The following TRIM28 variants were observed in gnomAD, a reference collection of about 807,000 sequenced individuals.
TRIM28 encodes transcription intermediary factor 1-beta.
A neutral mutation model predicts 87.4 loss-of-function variants in TRIM28; 8 were observed. The ratio of observed to expected loss-of-function variants is 0.09; its 90% CI spans 0.05 to 0.17. The LOEUF (loss-of-function observed/expected upper bound fraction) is 0.17. TRIM28 is among the 10% of genes least tolerant of loss of function. TRIM28 has a pLI of 1.00. For missense variants in TRIM28, 968 were observed against 1,131.8 expected (o/e 0.86, Z 2.08); for synonymous variants, 601 against 454.3 (o/e 1.32, Z -4.11).
Position 58,544,564 on chromosome 19 carries a change from G to T in TRIM28, c.-194G>T. Reference sequence around the variant, plus strand: ...AGCGCGGGCGGCGCCTTCGGGAGGCGAGCAGGCAGCAGTTGGCCGTGCCGT... The same window carrying T: ...AGCGCGGGCGGCGCCTTCGGGAGGCTAGCAGGCAGCAGTTGGCCGTGCCGT... On this transcript the variant is annotated 5_prime_UTR_variant, in exon 1 of 17. Transcript: ENST00000253024. The T allele has an allele frequency of 6.4e-6, 1 of 156,658 alleles. No homozygotes were observed. Among genetic ancestry groups the T allele is most frequent in the South Asian group, 1.8e-4 (1 of 5,654 alleles). 9.7% of individuals were successfully genotyped at this position (156,658 alleles called of 1,614,324 possible).
Position 58,550,223 on chromosome 19 carries a change from C to G in TRIM28, c.2270C>G (p.Ser757Cys), listed in dbSNP as rs1263130771. ...LQEKLSPPYSSPQEFAQDVGR... is the reference protein window; with the variant it reads ...LQEKLSPPYSCPQEFAQDVGR... ...GAGAAGTTGTCACCTCCCTACAGCT[C>G]CCCACAGGAGTTTGCCCAGGATGTG... The change falls in exon 16 of 17, where the codon TCC becomes TGC. Residue 757 changes from serine to cysteine, a missense_variant. Physicochemically the swap from Ser to Cys is moderately radical, Grantham distance 112 (BLOSUM62 -1). Coordinates refer to ENST00000253024, the MANE Select transcript of TRIM28 (RefSeq NM_005762.3). 2 of 1,613,980 alleles carry G rather than the reference C, an allele frequency of 1.2e-6. No individual in the cohort carries two copies. Among genetic ancestry groups the G allele is most frequent in the East Asian group, 4.5e-5 (2 of 44,896 alleles).
rs753462610 is a variant in TRIM28, at chr19:58,547,366, C to T, written c.587-10C>T. 6 of 1,611,950 alleles carry T rather than the reference C, an allele frequency of 3.7e-6. No homozygotes were observed. The highest frequency in any genetic ancestry group is 2.2e-5 in the East Asian group (1 of 44,810). On this transcript the variant is annotated splice_polypyrimidine_tract_variant and intron_variant, in intron 3 of 16. Coordinates refer to ENST00000253024, the MANE Select transcript of TRIM28 (RefSeq NM_005762.3). ...GGGCAAGGTCCAGCCTTATGATTCC[C>T]ACTCCCCAGGGCCAGCCAAGTCTCG...
chr19:58,548,779 G>A lies in TRIM28; in HGVS notation c.1360+3G>A. 2 of 1,614,130 alleles carry A rather than the reference G, an allele frequency of 1.2e-6. No individual in the cohort carries two copies. Among genetic ancestry groups the A allele is most frequent in the Non-Finnish European group, 1.7e-6 (2 of 1,180,012 alleles). ...GGAAGGCTATGGCTTTGGGTCAGGT[G>A]AGTGGGTCTGCCTAGTGGGTGGGGA... is the stretch of plus-strand genomic sequence containing the variant. On this transcript the variant is annotated splice_donor_region_variant and intron_variant, in intron 10 of 16. Coordinates refer to ENST00000253024, the MANE Select transcript of TRIM28 (RefSeq NM_005762.3).
chr19:58,547,135 G>A, intron 3 of TRIM28: 4 of 528,022 alleles, frequency 7.6e-6, no homozygotes, highest in Non-Finnish European at 1.4e-5. Context: ...CCCTTACATT[G>A]TTGTTATCTC....
rs1244661092 is a variant in TRIM28, at chr19:58,548,504, G to A, written c.1235G>A (p.Arg412His). ...AEAFGKIVAERPGTNSTGPAP... is the reference protein window; with the variant it reads ...AEAFGKIVAEHPGTNSTGPAP... ...TTTGCAGGCAAGATTGTGGCAGAGC[G>A]TCCTGGCACTAACTCAACAGGCCCT... Residue 412 changes from arginine (R) to histidine (H), a missense_variant, in exon 9 of 17, where the codon CGT (arginine) becomes CAT (histidine). Arg to His is a conservative substitution (Grantham distance 29). Around this residue, in one of 11 missense-constraint regions of TRIM28, gnomAD observed 84 missense variants for 139.9 expected, o/e 0.60. Coordinates refer to ENST00000253024, the MANE Select transcript of TRIM28 (RefSeq NM_005762.3). The A allele has an allele frequency of 2.5e-6, 4 of 1,613,936 alleles. No homozygotes were observed. The highest frequency in any genetic ancestry group is 1.3e-5 in the African/African-American group (1 of 74,902).
chr19:58,547,998 C>G, intron 6 of TRIM28, 36 bp from the exon 7 acceptor site: 1 of 1,613,242 alleles, frequency 6.2e-7, no homozygotes, highest in Non-Finnish European at 8.5e-7. Flanking sequence ...TATTCTTCTG[C>G]CTTCTCTGCT....
rs2053808066 is a variant in TRIM28 at position 58,550,528 on chromosome 19, C to T, written c.2483C>T (p.Ser828Phe). 1 of 1,609,636 alleles carries T rather than the reference C, an allele frequency of 6.2e-7. No homozygotes were observed. The highest frequency in any genetic ancestry group is 8.5e-7 in the Non-Finnish European group (1 of 1,179,870). Residue 828 changes from serine to phenylalanine, a missense_variant, in exon 17 of 17, where the codon TCT becomes TTT. Transcript: ENST00000253024. ...GCTGGCCTGAGTTCCCAGGAGCTGT[C>T]TGGTGGCCCTGGTGATGGCCCCTGA... Reference protein sequence around the residue: ...PGAGLSSQELSGGPGDGP With the variant: ...PGAGLSSQELFGGPGDGP
At position 58,544,819 on chromosome 19, in the gene TRIM28, G is replaced by A; in HGVS notation, c.62G>A (p.Gly21Asp). 2 of 1,254,420 alleles carry A rather than the reference G, an allele frequency of 1.6e-6. No homozygotes were observed. Among genetic ancestry groups the A allele is most frequent in the Admixed American group, 4.1e-5 (1 of 24,688 alleles). The allele number at this position is 1,254,420 out of a possible 1,614,324, so 77.7% of individuals were successfully genotyped here. The change falls in exon 1 of 17, where the codon GGC (glycine) becomes GAC (aspartate). Residue 21 changes from glycine to aspartate, a missense_variant. Gly to Asp is a moderately conservative substitution (Grantham distance 94, BLOSUM62 -1). Transcript: ENST00000253024. The part of the protein sequence containing the change: ...AAASAASGSP[G>D]PGEGSAGGEK... ...GCCTCGGCCGCCTCTGGCAGCCCGG[G>A]CCCGGGCGAGGGCTCCGCTGGCGGC...
Position 58,544,735 on chromosome 19 carries a change from T to C in TRIM28, c.-23T>C, listed in dbSNP as rs2053744062. Reference sequence around the variant, plus strand: ...GGGCCCCGCGCCCCTCCTCCCCCCCTGGGCGCCCCCGGCGGCGTGTGAATG... The same window carrying C: ...GGGCCCCGCGCCCCTCCTCCCCCCCCGGGCGCCCCCGGCGGCGTGTGAATG... On this transcript the variant is annotated 5_prime_UTR_variant, in exon 1 of 17. Coordinates refer to ENST00000253024, the MANE Select transcript of TRIM28 (RefSeq NM_005762.3). 1 of 1,035,680 alleles carries C rather than the reference T, an allele frequency of 9.7e-7. No individual in the cohort carries two copies. Among genetic ancestry groups the C allele is most frequent in the Non-Finnish European group, 1.2e-6 (1 of 861,116 alleles). 64.2% of individuals were successfully genotyped at this position (1,035,680 alleles called of 1,614,324 possible).
chr19:58,548,271 TC>T, intron 7 of TRIM28, 22 bp from the exon 8 acceptor site: 2 of 1,613,962 alleles, frequency 1.2e-6, no homozygotes, highest in African/African-American at 2.7e-5. Flanking sequence ...GCTCATTCTT[TC>T]CTCCCTTTCA....
intron 3 of TRIM28, among the ~76,000 whole-genome samples, chr19:58,546,313 T>C (rs2122625543): frequency 6.6e-6 from 1 of 152,216 alleles, no homozygotes; most frequent in South Asian, 2.1e-4. Flanking sequence ...GGATTATAAG[T>C]GATGATGATT....
chr19:58,548,119 G>A lies in TRIM28; in HGVS notation c.1040G>A (p.Arg347His), dbSNP rs1328982265. ...KIQKHQEHIL[R>H]FASWALESDN... ...CAGAAGCACCAGGAGCACATTCTGC[G>A]CTTTGCCTCTTGGGCTCTGGAGAGT... is the stretch of plus-strand genomic sequence containing the variant. Residue 347 changes from arginine to histidine, a missense_variant, in exon 7 of 17, where the codon CGC (arginine) becomes CAC (histidine). This residue lies in a region of TRIM28 where 84 missense variants were observed against 139.9 expected (regional missense o/e 0.60). Transcript: ENST00000253024. The A allele has an allele frequency of 3.1e-6, 5 of 1,614,202 alleles. No homozygotes were observed. Among genetic ancestry groups the A allele is most frequent in the African/African-American group, 1.3e-5 (1 of 75,052 alleles).
chr19:58,547,336 G>A (rs1450719298), intron 3 of TRIM28, 40 bp from the exon 4 acceptor site: 2 of 1,600,998 alleles, frequency 1.2e-6, no homozygotes, highest in Non-Finnish European at 8.6e-7. Context: ...GTTGGGGGTG[G>A]TGAAGGGCAA....
Position 58,547,775 on chromosome 19 carries a change from C to A in TRIM28, c.840-17C>A, listed in dbSNP as rs769564940. The A allele has an allele frequency of 6.2e-7, 1 of 1,614,020 alleles. No individual in the cohort carries two copies. The highest frequency in any genetic ancestry group is 2.2e-5 in the East Asian group (1 of 44,890). ...GGCAGCAAGACCCTACCTAGCCTGACCTGCTGTGTCCCCTAGAATCCGCCA... is the reference window on the plus strand; with the variant it reads ...GGCAGCAAGACCCTACCTAGCCTGAACTGCTGTGTCCCCTAGAATCCGCCA... On this transcript the variant is annotated splice_polypyrimidine_tract_variant and intron_variant, in intron 5 of 16. Transcript: ENST00000253024.
chr19:58,550,418 C>T lies in TRIM28; in HGVS notation c.2373C>T (p.Phe791=), dbSNP rs1065354. 10 of 1,613,998 alleles carry T rather than the reference C, an allele frequency of 6.2e-6. No homozygotes were observed. The highest frequency in any genetic ancestry group is 4.5e-5 in the East Asian group (2 of 44,884). Reference sequence around the variant, plus strand: ...AGTCCATCATCGGCCTGCAGCGCTTCTTCGAGACGCGCATGAACGAGGCCT... The same window carrying T: ...AGTCCATCATCGGCCTGCAGCGCTTTTTCGAGACGCGCATGAACGAGGCCT... The part of the protein sequence containing the change: ...DVQSIIGLQR[F]FETRMNEAFG... The change falls in exon 17 of 17, where the codon TTC becomes TTT. Residue 791 remains phenylalanine (F), a synonymous_variant. Coordinates refer to ENST00000253024, the MANE Select transcript of TRIM28 (RefSeq NM_005762.3).
At chr19:58,547,949 C>T (rs777244956) in intron 6 of TRIM28, 43 bp downstream of exon 6, 1 of 1,613,452 alleles carries the variant, frequency 6.2e-7, no homozygotes, top group African/African-American at 1.3e-5. Flanking sequence ...GCCCCCTCTG[C>T]TGATTGATGA....
rs2053748446 is a variant in TRIM28 at position 58,545,060 on chromosome 19, C to T, written c.303C>T (p.Asn101=). ...GGCCCGCGGCCCCCGCCGCCGCCAACAGCTCGGGGGACGGCGGGGCGGCGG... is the reference window on the plus strand; with the variant it reads ...GGCCCGCGGCCCCCGCCGCCGCCAATAGCTCGGGGGACGGCGGGGCGGCGG... ...CLGPAAPAAA[N]SSGDGGAAGD... Residue 101 remains asparagine, a synonymous_variant, in exon 1 of 17, where the codon AAC becomes AAT. Transcript: ENST00000253024. 6.9e-7 allele frequency: 1 copy of T among 1,454,128 alleles called. No individual in the cohort carries two copies. Among genetic ancestry groups the T allele is most frequent in the Non-Finnish European group, 9.0e-7 (1 of 1,116,578 alleles). 90.1% of individuals were successfully genotyped at this position (1,454,128 alleles called of 1,614,324 possible).
Position 58,547,713 on chromosome 19 carries a change from C to T in TRIM28, c.839C>T (p.Ser280Leu), listed in dbSNP as rs370279558. ...LQKSTKEVRS[S>L]IRQVSDVQKR... is the part of the protein sequence containing the mutation. ...AAGAGCACCAAGGAGGTTCGCAGCTCGTAAGTGTGGGTTCTGGGGCTGTGG... is the reference window on the plus strand; with the variant it reads ...AAGAGCACCAAGGAGGTTCGCAGCTTGTAAGTGTGGGTTCTGGGGCTGTGG... The change falls in exon 5 of 17, where the codon TCA (serine) becomes TTA (leucine). Residue 280 changes from serine (S) to leucine (L), a missense_variant and splice_region_variant. Around this residue, in one of 11 missense-constraint regions of TRIM28, gnomAD observed 103 missense variants for 139.0 expected, o/e 0.74. Transcript: ENST00000253024. The T allele has an allele frequency of 3.0e-5, 48 of 1,613,940 alleles. No homozygotes were observed. The highest frequency in any genetic ancestry group is 2.7e-4 in the East Asian group (12 of 44,888).
chr19:58,545,216 A>G (rs1222081368), intron 1 of TRIM28, 119 bp downstream of exon 1: 10 of 1,033,064 alleles, frequency 9.7e-6, no homozygotes, highest in South Asian at 3.4e-5. Context: ...GGGCACGGGA[A>G]ATACTTTCTG....
Sources: allele counts gnomAD v4.1 joint callset (sites outside exome capture counted in the v4.1 genomes callset), GRCh38; gene constraint gnomAD v4.1.1; regional missense constraint gnomAD v4.1.1; transcripts MANE v1.5; gene names NCBI Gene and HGNC (gene_info 2026-07-23, HGNC 2026-07-21).